Variants in RBFOX2 observed in about 807,000 individuals in gnomAD.
RBFOX2 encodes the protein RNA binding protein fox-1 homolog 2.
A neutral mutation model predicts 49.1 loss-of-function variants in RBFOX2; 10 were observed. The ratio of observed to expected loss-of-function variants is 0.20; its 90% CI spans 0.13 to 0.35. The LOEUF (loss-of-function observed/expected upper bound fraction) is 0.35, where lower values mean the gene tolerates loss of function less well. RBFOX2 is among the 10% of genes least tolerant of loss of function. RBFOX2 has a pLI of 1.00. For missense variants in RBFOX2, 323 were observed against 486.9 expected (o/e 0.66, Z 3.17); for synonymous variants, 183 against 187.4 (o/e 0.98, Z 0.19).
At chr22:35,882,717 A>C (rs574902022) in intron 1 of RBFOX2, among the ~76,000 whole-genome samples, 2 of 152,266 alleles carry the variant, frequency 1.3e-5, no homozygotes, top group African/African-American at 2.4e-5. Context: ...GAGTGAGGGG[A>C]CAGTTTATTC....
rs541718747 is a variant in RBFOX2, at chr22:35,903,842, T to G, written c.-34+35005A>C. On this transcript the variant is annotated intron_variant, in intron 1 of 13. Transcript: ENST00000359369. ...ATCACACTAGTTTCCCCATTTCCAT[T>G]GTTGCTCCCTTCCAAAACACCATCA... is the stretch of plus-strand genomic sequence containing the variant. 3.9e-5 allele frequency among the ~76,000 whole-genome samples: 6 copies of G among 152,270 alleles called. 1 individual carries two copies. In the South Asian group the frequency reaches 1.2e-3, roughly 32 times the overall value.
At chr22:35,955,617 C>T (rs1224511658) in intron 1 of RBFOX2, among the ~76,000 whole-genome samples, 1 of 152,138 alleles carries the variant, frequency 6.6e-6, no homozygotes, top group Non-Finnish European at 1.5e-5. Flanking sequence ...TTCGATGGAA[C>T]AGGCAACCTA....
intron 1 of RBFOX2, among the ~76,000 whole-genome samples, chr22:36,026,323 G>T (rs1324600562): frequency 1.4e-5 from 2 of 147,018 alleles, no homozygotes; most frequent in African/African-American, 5.3e-5. Flanking sequence ...GATTCTCGGA[G>T]GGATAACTCT....
intron 1 of RBFOX2, among the ~76,000 whole-genome samples, chr22:35,971,239 G>C (rs1011313073): frequency 6.6e-6 from 1 of 152,092 alleles, no homozygotes; most frequent in African/African-American, 2.4e-5. Flanking sequence ...TAAGTTTAAA[G>C]TCACTGTCAC....
At chr22:35,913,281 C>T (rs994258771) in intron 1 of RBFOX2, among the ~76,000 whole-genome samples, 5 of 152,020 alleles carry the variant, frequency 3.3e-5, no homozygotes, top group Admixed American at 2.0e-4. Context: ...AGTTCAAGAT[C>T]AGCCTGGGCA....
chr22:36,013,023 CA>C (rs1455111846), intron 1 of RBFOX2, among the ~76,000 whole-genome samples: 1 of 152,108 alleles, frequency 6.6e-6, no homozygotes, highest in Non-Finnish European at 1.5e-5. Flanking sequence ...CTCGGCTTCC[CA>C]AAATGCTGGG....
chr22:35,981,196 C>A (rs2057440969), intron 1 of RBFOX2, among the ~76,000 whole-genome samples: 1 of 152,146 alleles, frequency 6.6e-6, no homozygotes, highest in African/African-American at 2.4e-5. Flanking sequence ...CAAGGTCCCA[C>A]AACAAAAAAT....
At chr22:35,913,477 TTGTGTGTGTGTGTGTGTG>T (rs61402464) in intron 1 of RBFOX2, among the ~76,000 whole-genome samples, 1 of 143,422 alleles carries the variant, frequency 7.0e-6, no homozygotes, top group Non-Finnish European at 1.5e-5. Context: ...GTTATTTCTA[TTGTGTGTGTGTGTGTGTG>T]TGTGTGTGTG....
At chr22:35,961,319 T>G (rs2056178882) in intron 1 of RBFOX2, among the ~76,000 whole-genome samples, 1 of 152,176 alleles carries the variant, frequency 6.6e-6, no homozygotes, top group Non-Finnish European at 1.5e-5. Flanking sequence ...TAAAAAGATA[T>G]TACATTGCTA....
chr22:35,759,748 A>T lies in RBFOX2; in HGVS notation c.887+140T>A. 2 of 1,145,444 alleles carry T rather than the reference A, an allele frequency of 1.7e-6. No homozygotes were observed. Among genetic ancestry groups the T allele is most frequent in the South Asian group, 3.1e-5 (2 of 64,378 alleles). 71.0% of individuals were successfully genotyped at this position (1,145,444 alleles called of 1,614,324 possible). A position where few individuals can be genotyped will look rare whatever the true frequency, so the allele number is the denominator to read the frequency against. ...GGTATATTTTGTTTTTTGTCATCTA[A>T]TCTGTTAATTTGCAAATATTCACTG... On this transcript the variant is annotated intron_variant, in intron 9 of 11. Coordinates refer to ENST00000405409, the Ensembl canonical transcript of RBFOX2. This position sits in a 1 kb window ranked among gnomAD's most constrained non-coding sequence, Gnocchi z 4.6.
At chr22:35,914,957 A>G (rs2050242668) in intron 1 of RBFOX2, among the ~76,000 whole-genome samples, 1 of 152,232 alleles carries the variant, frequency 6.6e-6, no homozygotes, top group Non-Finnish European at 1.5e-5. Flanking sequence ...AGACAGTTTA[A>G]TATTTCTCTA....
chr22:35,840,187 C>G, intron 1 of RBFOX2: 1 of 1,614,022 alleles, frequency 6.2e-7, no homozygotes, highest in Non-Finnish European at 8.5e-7. Flanking sequence ...AAGCACAAAT[C>G]TTACCTGAGT....
At chr22:35,828,465 T>G (rs755203842) in intron 1 of RBFOX2, among the ~76,000 whole-genome samples, 7 of 152,124 alleles carry the variant, frequency 4.6e-5, no homozygotes, top group Non-Finnish European at 1.0e-4. Flanking sequence ...CTGGAGAAAG[T>G]TGCAGAGAGA....
intron 1 of RBFOX2, among the ~76,000 whole-genome samples, chr22:35,814,147 A>C (rs1383388358): frequency 2.6e-5 from 4 of 152,198 alleles, no homozygotes; most frequent in Admixed American, 2.6e-4. Flanking sequence ...TACAATGTGA[A>C]ATATGCTAAA....
chr22:35,898,408 C>A, intron 1 of RBFOX2: 3 of 455,772 alleles, frequency 6.6e-6, no homozygotes, highest in Admixed American at 3.4e-5. Flanking sequence ...CCGCCATCTT[C>A]TCCCACAATC....
chr22:35,869,542 T>G (rs2044113455), intron 1 of RBFOX2, among the ~76,000 whole-genome samples: 2 of 146,664 alleles, frequency 1.4e-5, no homozygotes, highest in Non-Finnish European at 3.0e-5. Flanking sequence ...CAAGCTTGTC[T>G]GGAACTCCTG....
rs753306074 is a variant in RBFOX2 at position 35,759,917 on chromosome 22, T to G, written c.858A>C (p.Val286=). ...GATAGGCGGGGATGGCTGTTGGAGGTACCGCTCGGACTGCACCATATACTG... is the reference window on the plus strand; with the variant it reads ...GATAGGCGGGGATGGCTGTTGGAGGGACCGCTCGGACTGCACCATATACTG... The change falls in exon 9 of 12, where the codon GTA becomes GTC. Residue 286 remains valine (V), a synonymous_variant. Transcript: ENST00000405409. The surrounding 1 kb of genome is among the most constrained non-coding windows in gnomAD (Gnocchi z 4.6). The G allele has an allele frequency of 6.2e-7, 1 of 1,612,614 alleles. No homozygotes were observed. Among genetic ancestry groups the G allele is most frequent in the African/African-American group, 1.3e-5 (1 of 74,828 alleles).
At chr22:36,012,799 C>G (rs1486773871) in intron 1 of RBFOX2, among the ~76,000 whole-genome samples, 1 of 152,010 alleles carries the variant, frequency 6.6e-6, no homozygotes, top group Non-Finnish European at 1.5e-5. Context: ...GAGTCTCACT[C>G]TGTCACCCGG....
chr22:35,976,754 G>A lies in RBFOX2; in HGVS notation c.187-37857C>T, dbSNP rs368890997. On this transcript the variant is annotated intron_variant, in intron 1 of 13. Coordinates refer to the RBFOX2 transcript ENST00000438146. ...AAGGCGGGTGGAACACCTGAGGTCA[G>A]GAGTTCAAGGCCAGCCTGGCCAACA... Among the ~76,000 whole-genome samples the A allele has an allele frequency of 3.9e-5, 6 of 152,238 alleles. No homozygotes were observed. The East Asian group carries it at 1.2e-3, about 30-fold the overall frequency.
Sources: allele counts gnomAD v4.1 joint callset (sites outside exome capture counted in the v4.1 genomes callset), GRCh38; gene constraint gnomAD v4.1.1; non-coding constraint Gnocchi (gnomAD v3.1); transcripts MANE v1.5; gene names NCBI Gene and HGNC (gene_info 2026-07-23, HGNC 2026-07-21).